SLC38A4: variants seen among roughly 807,000 people sequenced by gnomAD.
SLC38A4 encodes the protein sodium-coupled neutral amino acid transporter 4.
In SLC38A4, 20 loss-of-function variants were observed where a neutral mutation model predicts 63.1. The ratio of observed to expected loss-of-function variants is 0.32; its 90% confidence interval spans 0.22 to 0.46. The LOEUF (loss-of-function observed/expected upper bound fraction) is 0.46, where lower values mean the gene tolerates loss of function less well. SLC38A4 is among the 20% of genes least tolerant of loss of function. The pLI, the probability that SLC38A4 is intolerant of heterozygous loss-of-function variation, is 1.00. For synonymous variants in SLC38A4, 230 were observed against 225.5 expected (o/e 1.02, Z -0.18); for missense variants, 526 against 663.6 (o/e 0.79, Z 2.28).
chr12:46,788,312 T>C lies in SLC38A4; in HGVS notation c.210+216A>G, dbSNP rs111555042. Among the ~76,000 whole-genome samples the C allele has an allele frequency of 1.1e-3, 169 of 152,306 alleles. 2 individuals carry two copies. Among genetic ancestry groups the C allele is most frequent in the African/African-American group, 3.8e-3 (159 of 41,580 alleles). ...ATTGTAGATTACCTTTGGGTTAGAA[T>C]GATTTCCCCCCAAAACACATAAGTT... On this transcript the variant is annotated intron_variant, in intron 4 of 16. Transcript: ENST00000266579.
rs1938577025 is a variant in SLC38A4 at position 46,778,605 on chromosome 12, G to T, written c.889C>A (p.Leu297Met). Residue 297 changes from leucine (L) to methionine (M), a missense_variant, in exon 11 of 17, where the codon CTG becomes ATG. Coordinates refer to ENST00000266579, the MANE Select transcript of SLC38A4 (RefSeq NM_018018.5). ...GAGCCCTTGGCCTGGTTCTCATCCA[G>T]CCCTGCAGGATTGCGGTGGGTGTAA... is the stretch of plus-strand genomic sequence containing the variant. The part of the protein sequence containing the change: ...MDYTHRNPAG[L>M]DENQAKGSLH... 1 of 1,613,070 alleles carries T rather than the reference G, an allele frequency of 6.2e-7. No individual in the cohort carries two copies. The highest frequency in any genetic ancestry group is 2.2e-5 in the East Asian group (1 of 44,820).
In SLC38A4 at chr12:46,776,845, G is replaced by T. The variant is rs573543607; in HGVS notation, c.1174+59C>A. 8 of 1,469,634 alleles carry T rather than the reference G, an allele frequency of 5.4e-6. 1 individual carries two copies. In the African/African-American group the frequency reaches 7.0e-5, roughly 13 times the overall value. The allele number at this position is 1,469,634 out of a possible 1,614,324, so 91.0% of individuals were successfully genotyped here. On this transcript the variant is annotated intron_variant, in intron 13 of 16. Coordinates refer to ENST00000266579, the MANE Select transcript of SLC38A4 (RefSeq NM_018018.5). Reference sequence around the variant, plus strand: ...AATTTTTAAAAATCATACCTACCCAGGTCAAGGACCAGCCTAACAAGGATT... The same window carrying T: ...AATTTTTAAAAATCATACCTACCCATGTCAAGGACCAGCCTAACAAGGATT...
At chr12:46,769,660 C>T (rs1766214893) in intron 14 of SLC38A4, among the ~76,000 whole-genome samples, 1 of 151,942 alleles carries the variant, frequency 6.6e-6, no homozygotes, top group South Asian at 2.1e-4. Context: ...TCATTTCGGT[C>T]AACAACAGAC....
chr12:46,796,025 CT>C (rs1282841074), intron 2 of SLC38A4, among the ~76,000 whole-genome samples: 1 of 152,064 alleles, frequency 6.6e-6, no homozygotes, highest in African/African-American at 2.4e-5. Flanking sequence ...ACTCCTGAAA[CT>C]TTTATTAATC....
chr12:46,780,316 T>C (rs1341052584), intron 7 of SLC38A4, among the ~76,000 whole-genome samples: 1 of 151,988 alleles, frequency 6.6e-6, no homozygotes, highest in Non-Finnish European at 1.5e-5. Flanking sequence ...TCATTAGTTA[T>C]AAATCAACAT....
intron 1 of SLC38A4, among the ~76,000 whole-genome samples, chr12:46,807,234 C>T (rs1010749853): frequency 3.3e-5 from 5 of 151,950 alleles, no homozygotes; most frequent in African/African-American, 4.8e-5. Context: ...GTAGTCATTG[C>T]TTTTCTTTGC....
chr12:46,809,801 A>T (rs1357925423), intron 1 of SLC38A4, among the ~76,000 whole-genome samples: 2 of 152,026 alleles, frequency 1.3e-5, no homozygotes, highest in African/African-American at 4.8e-5. Context: ...CTTTGGACAG[A>T]TGGTATATTT....
chr12:46,825,059 G>T (rs1360786150), intron 1 of SLC38A4, among the ~76,000 whole-genome samples: 2 of 150,380 alleles, frequency 1.3e-5, no homozygotes, highest in East Asian at 3.9e-4. Context: ...CAGCTTCCTG[G>T]GTTTAATATT....
At chr12:46,790,271 G>A (rs1254879965) in intron 3 of SLC38A4, among the ~76,000 whole-genome samples, 7 of 152,094 alleles carry the variant, frequency 4.6e-5, no homozygotes, top group Non-Finnish European at 5.9e-5. Flanking sequence ...AAACCACAAA[G>A]TTGTATGTGC....
intron 1 of SLC38A4, among the ~76,000 whole-genome samples, chr12:46,808,887 C>G (rs778482960): frequency 6.6e-6 from 1 of 152,028 alleles, no homozygotes. Context: ...AAAACTGACT[C>G]ACCTTGTTAA....
At chr12:46,793,616 T>C (rs1294288680) in intron 2 of SLC38A4, among the ~76,000 whole-genome samples, 1 of 152,134 alleles carries the variant, frequency 6.6e-6, no homozygotes, top group African/African-American at 2.4e-5. Flanking sequence ...TAGCAATAAC[T>C]AGAAAGAAAA....
At chr12:46,816,544 C>G (rs1482672453) in intron 1 of SLC38A4, among the ~76,000 whole-genome samples, 2 of 151,846 alleles carry the variant, frequency 1.3e-5, no homozygotes, top group East Asian at 3.9e-4. Context: ...GCTTCAACTT[C>G]TATAGAAATA....
intron 1 of SLC38A4, among the ~76,000 whole-genome samples, chr12:46,808,953 C>G (rs1939288713): frequency 6.6e-6 from 1 of 151,998 alleles, no homozygotes; most frequent in Non-Finnish European, 1.5e-5. Flanking sequence ...GGTTGACTCT[C>G]TAGTTCATAG....
chr12:46,773,756 G>A (rs1252926918), intron 14 of SLC38A4, among the ~76,000 whole-genome samples: 1 of 152,014 alleles, frequency 6.6e-6, no homozygotes, highest in Non-Finnish European at 1.5e-5. Flanking sequence ...TGTGACGATG[G>A]CCAATTCTGG....
chr12:46,804,080 C>A (rs762943271), intron 1 of SLC38A4, among the ~76,000 whole-genome samples: 1 of 151,914 alleles, frequency 6.6e-6, no homozygotes, highest in South Asian at 2.1e-4. Flanking sequence ...GAAACATAAT[C>A]GAAATCTCCA....
intron 14 of SLC38A4, among the ~76,000 whole-genome samples, chr12:46,771,518 T>G (rs901737915): frequency 6.6e-5 from 10 of 152,050 alleles, no homozygotes; most frequent in Admixed American, 3.3e-4. Context: ...CCTAATGATA[T>G]GAGATCACAG....
chr12:46,777,447 C>G (rs1029560304), intron 12 of SLC38A4, among the ~76,000 whole-genome samples: 1 of 151,952 alleles, frequency 6.6e-6, no homozygotes, highest in Non-Finnish European at 1.5e-5. Flanking sequence ...CTAGAAGGAA[C>G]CTGGCTGCCA....
In SLC38A4 at chr12:46,779,841, G is replaced by A; in HGVS notation, c.597C>T (p.Asn199=). Residue 199 remains asparagine, a synonymous_variant, in exon 9 of 17, where the codon AAC becomes AAT. Transcript: ENST00000266579. ...CAACAGACACAAATATGATGAGGTA[G>A]TTGCCATTGAGGTACCATTCTCTAG... The part of the protein sequence containing the change: ...ENTGEWYLNG[N]YLIIFVSVGI... The A allele has an allele frequency of 6.2e-7, 1 of 1,612,276 alleles. No individual in the cohort carries two copies. The highest frequency in any genetic ancestry group is 8.5e-7 in the Non-Finnish European group (1 of 1,179,044).
rs78718881 is a variant in SLC38A4, at chr12:46,824,697, A to T, written c.-305+1206T>A. Among the ~76,000 whole-genome samples, 17 of 152,368 alleles carry T rather than the reference A, an allele frequency of 1.1e-4. No homozygotes were observed. In the East Asian group the frequency reaches 1.9e-3, roughly 17 times the overall value. On this transcript the variant is annotated intron_variant, in intron 1 of 16. Coordinates refer to ENST00000266579, the MANE Select transcript of SLC38A4 (RefSeq NM_018018.5). ...TGCAGTATGATTCCATTTATATAAT[A>T]GTTTCAGAACGATGAAAATATAGAG...
Sources: allele counts gnomAD v4.1 joint callset (sites outside exome capture counted in the v4.1 genomes callset), GRCh38; gene constraint gnomAD v4.1.1; transcripts MANE v1.5; gene names NCBI Gene and HGNC (gene_info 2026-07-23, HGNC 2026-07-21).